Variants in PARD3B observed in about 807,000 individuals in gnomAD.
The protein encoded by PARD3B is partitioning defective 3 homolog B.
Under a neutral mutation model 130.2 loss-of-function variants are expected in PARD3B, and 103 were observed. The ratio of observed to expected loss-of-function variants is 0.79; its 90% confidence interval spans 0.67 to 0.93. PARD3B has a LOEUF of 0.93. Ranked by LOEUF, PARD3B falls within the 40% of genes least tolerant of loss-of-function variation. PARD3B has a pLI of 0.00. For synonymous variants in PARD3B, 583 were observed against 553.2 expected, an observed-to-expected ratio of 1.05 and a Z score of -0.76; for missense variants, 1,609 against 1,499.2, an observed-to-expected ratio of 1.07 and a Z score of -1.21.
chr2:205,021,627 T>TCC lies in PARD3B; in HGVS notation c.395-25953_395-25952insCC. Among the ~76,000 whole-genome samples the TCC allele has an allele frequency of 2.4e-5, 3 of 123,456 alleles. No individual in the cohort carries two copies. In the South Asian group the frequency reaches 7.3e-4, roughly 30 times the overall value. 81.0% of individuals were successfully genotyped at this position (123,456 alleles called of 152,430 possible). ...CTCTCTCTCTCTCTCTCTCCCTCTCTCTTTCTCTCTCTCTCTCTCTCTCTA... is the reference window on the plus strand; with the variant it reads ...CTCTCTCTCTCTCTCTCTCCCTCTCTCCCTTTCTCTCTCTCTCTCTCTCTCTA... On this transcript the variant is annotated intron_variant, in intron 3 of 22. Transcript: ENST00000406610. This position sits in a 1 kb window ranked among gnomAD's most constrained non-coding sequence, Gnocchi z 4.5.
rs1249508826 is a variant in PARD3B at position 204,943,926 on chromosome 2, C to T, written c.223-21226C>T. 6.6e-6 allele frequency among the ~76,000 whole-genome samples: 1 copy of T among 152,004 alleles called. No homozygotes were observed. The highest frequency in any genetic ancestry group is 2.4e-5 in the African/African-American group (1 of 41,376). On this transcript the variant is annotated intron_variant, in intron 2 of 22. Coordinates refer to ENST00000406610, the MANE Select transcript of PARD3B (RefSeq NM_001302769.2). This position sits in a 1 kb window ranked among gnomAD's most constrained non-coding sequence, Gnocchi z 4.2. ...AAGGGAAATTTAAAATAAATGCTAG[C>T]AATAAGTTAGTAAAAGTAGAAAAGG...
intron 20 of PARD3B, among the ~76,000 whole-genome samples, chr2:205,475,244 C>T (rs532741942): frequency 3.3e-5 from 5 of 152,232 alleles, no homozygotes; most frequent in Admixed American, 2.0e-4. Flanking sequence ...AGAAATGTCA[C>T]ATCAGAATCT....
rs1373523148 is a variant in PARD3B at position 205,015,721 on chromosome 2, G to T, written c.395-31860G>T. Among the ~76,000 whole-genome samples the T allele has an allele frequency of 6.6e-6, 1 of 152,154 alleles. No individual in the cohort carries two copies. Among genetic ancestry groups the T allele is most frequent in the East Asian group, 1.9e-4 (1 of 5,190 alleles). ...CTTCTGTCAGTCATCTTGTGCAGTG[G>T]GGTTTCTTTCTTACTTAGTTTTGAA... On this transcript the variant is annotated intron_variant, in intron 3 of 22. Transcript: ENST00000406610. This position sits in a 1 kb window ranked among gnomAD's most constrained non-coding sequence, Gnocchi z 4.5.
In PARD3B at chr2:205,193,107, A is replaced by G. The variant is rs1465735374; in HGVS notation, c.2025-98A>G. On this transcript the variant is annotated intron_variant, in intron 14 of 22. Transcript: ENST00000406610. ...GAAAATATGTGGTTGGGAGCTGCGCAGAGTGATGAGTGGCTGTGTTCAAAA... is the reference window on the plus strand; with the variant it reads ...GAAAATATGTGGTTGGGAGCTGCGCGGAGTGATGAGTGGCTGTGTTCAAAA... 5 of 771,306 alleles carry G rather than the reference A, an allele frequency of 6.5e-6. No homozygotes were observed. In the African/African-American group the frequency reaches 8.7e-5, roughly 13 times the overall value. The allele number at this position is 771,306 out of a possible 1,614,324, so 47.8% of individuals were successfully genotyped here.
chr2:205,237,410 C>T (rs1275747167), intron 15 of PARD3B, among the ~76,000 whole-genome samples: 1 of 152,224 alleles, frequency 6.6e-6, no homozygotes, highest in South Asian at 2.1e-4. Flanking sequence ...ATCCTTTATA[C>T]CTTACACATA....
intron 2 of PARD3B, among the ~76,000 whole-genome samples, chr2:204,716,017 A>T (rs2038703442): frequency 6.6e-6 from 1 of 152,142 alleles, no homozygotes; most frequent in South Asian, 2.1e-4. Flanking sequence ...TGCTGCAGAA[A>T]ACTCTTACGC....
intron 2 of PARD3B, among the ~76,000 whole-genome samples, chr2:204,718,454 A>G (rs1475247108): frequency 6.6e-6 from 1 of 152,136 alleles, no homozygotes; most frequent in East Asian, 1.9e-4. Context: ...AGGGGAAACC[A>G]CCGCTTACAA....
chr2:205,244,940 T>C lies in PARD3B; in HGVS notation c.2141-838T>C, dbSNP rs981274199. On this transcript the variant is annotated intron_variant, in intron 15 of 22. Transcript: ENST00000406610. This position sits in a 1 kb window ranked among gnomAD's most constrained non-coding sequence, Gnocchi z 4.7. ...TTCGGATGCTGTTCCTCTTCCAGTT[T>C]GGAATGGTTCTTTGCCAACTCTTGG... 2.6e-5 allele frequency among the ~76,000 whole-genome samples: 4 copies of C among 152,230 alleles called. No homozygotes were observed. Among genetic ancestry groups the C allele is most frequent in the Non-Finnish European group, 5.9e-5 (4 of 68,034 alleles).
At chr2:205,296,688 TGTG>T (rs2041806962) in intron 16 of PARD3B, among the ~76,000 whole-genome samples, 1 of 151,722 alleles carries the variant, frequency 6.6e-6, no homozygotes, top group African/African-American at 2.4e-5. Flanking sequence ...TGTGTGTGTG[TGTG>T]TGTGTGTTCA....
At chr2:205,430,798 T>G (rs567038619) in intron 19 of PARD3B, among the ~76,000 whole-genome samples, 15 of 152,314 alleles carry the variant, frequency 9.8e-5, no homozygotes, top group African/African-American at 2.4e-4. Flanking sequence ...TTAATGAGAC[T>G]TAAGAGAACA....
chr2:204,912,041 G>A (rs1480428547), intron 2 of PARD3B, among the ~76,000 whole-genome samples: 1 of 152,158 alleles, frequency 6.6e-6, no homozygotes, highest in Non-Finnish European at 1.5e-5. Context: ...GCATGAGTTT[G>A]TAGGTTAAAA....
chr2:205,101,266 A>G (rs1461381437), intron 4 of PARD3B, among the ~76,000 whole-genome samples: 1 of 152,202 alleles, frequency 6.6e-6, no homozygotes. Flanking sequence ...ATATCACTTT[A>G]TACCCATTAG....
chr2:205,262,737 C>T (rs1242685337), intron 16 of PARD3B, among the ~76,000 whole-genome samples: 1 of 152,092 alleles, frequency 6.6e-6, no homozygotes, highest in Admixed American at 6.6e-5. Context: ...GAATACATGA[C>T]ATGAAAAGTC....
At chr2:204,966,378 G>A (rs1208644455) in intron 3 of PARD3B, among the ~76,000 whole-genome samples, 1 of 152,114 alleles carries the variant, frequency 6.6e-6, no homozygotes, top group African/African-American at 2.4e-5. Context: ...CAGTCTGCTG[G>A]AACGTGGCTG....
At chr2:205,037,542 C>T (rs1050442927) in intron 3 of PARD3B, among the ~76,000 whole-genome samples, 7 of 146,912 alleles carry the variant, frequency 4.8e-5, no homozygotes, top group Non-Finnish European at 9.0e-5. Flanking sequence ...GTGTACTATA[C>T]ATATGTAAAA....
chr2:205,161,519 A>G lies in PARD3B; in HGVS notation c.1620+2612A>G, dbSNP rs58081712. ...CACAAAAAATCTGATTAACCAGGGG[A>G]AAAAAAAGTATTTTTCCATTCTCCT... On this transcript the variant is annotated intron_variant, in intron 11 of 22. Coordinates refer to ENST00000406610, the MANE Select transcript of PARD3B (RefSeq NM_001302769.2). Among the ~76,000 whole-genome samples, 761 of 152,014 alleles carry G rather than the reference A, an allele frequency of 5.0e-3. 6 individuals carry two copies. Among genetic ancestry groups the G allele is most frequent in the African/African-American group, 0.017 (684 of 41,344 alleles).
intron 3 of PARD3B, among the ~76,000 whole-genome samples, chr2:205,010,758 A>T (rs1695644670): frequency 6.6e-6 from 1 of 151,956 alleles, no homozygotes; most frequent in Non-Finnish European, 1.5e-5. Context: ...GGAAACTTTT[A>T]GCATCCTCTA....
chr2:204,842,504 A>T (rs896715275), intron 2 of PARD3B, among the ~76,000 whole-genome samples: 1 of 152,142 alleles, frequency 6.6e-6, no homozygotes, highest in African/African-American at 2.4e-5. Flanking sequence ...TATAAAAGGT[A>T]AGAGGATCTG....
chr2:205,007,461 T>A (rs1455166829), intron 3 of PARD3B, among the ~76,000 whole-genome samples: 1 of 152,168 alleles, frequency 6.6e-6, no homozygotes, highest in Non-Finnish European at 1.5e-5. Context: ...TTCCCCAATT[T>A]ATGTTTTTGT....
Sources: gnomAD v4.1 joint callset for allele counts (sites outside exome capture counted in the v4.1 genomes callset) on GRCh38, gnomAD v4.1.1 for gene constraint, Gnocchi (gnomAD v3.1) non-coding constraint, MANE v1.5 for transcripts, NCBI Gene and HGNC (gene_info 2026-07-23, HGNC 2026-07-21) for gene names.